Variants in UNC13C observed in about 807,000 individuals in gnomAD.
UNC13C encodes unc-13 homolog C.
A neutral mutation model predicts 245.4 loss-of-function variants in UNC13C; 174 were observed. The observed-to-expected ratio is 0.71, with a 90% CI of 0.63 to 0.80. The LOEUF (loss-of-function observed/expected upper bound fraction) is 0.80, where lower values mean the gene tolerates loss of function less well. Among genes scored for constraint, UNC13C ranks in the 30% least tolerant of loss-of-function variants. The pLI, the probability that UNC13C is intolerant of heterozygous loss-of-function variation, is 0.00. For missense variants in UNC13C, 2,829 were observed against 2,602.9 expected (o/e 1.09, Z -1.89); for synonymous variants, 992 against 895.1 (o/e 1.11, Z -1.93).
chr15:54,153,902 A>G (rs1200713298), intron 4 of UNC13C, among the ~76,000 whole-genome samples: 1 of 151,964 alleles, frequency 6.6e-6, no homozygotes, highest in Non-Finnish European at 1.5e-5. Flanking sequence ...GCCTTTACAT[A>G]GATTTCTAAA....
At chr15:54,357,124 C>T in intron 17 of UNC13C, among the ~76,000 whole-genome samples, 1 of 151,972 alleles carries the variant, frequency 6.6e-6, no homozygotes, top group East Asian at 1.9e-4. Context: ...ACAGTCCCCA[C>T]TTTGAGATTA....
intron 10 of UNC13C, among the ~76,000 whole-genome samples, chr15:54,286,222 A>T (rs998490924): frequency 1.3e-5 from 2 of 152,236 alleles, no homozygotes; most frequent in Non-Finnish European, 1.5e-5. Context: ...AAAAGCTGGT[A>T]CAATACTATT....
At chr15:53,952,025 C>T in the UNC13C span, among the ~76,000 whole-genome samples, 4 of 152,036 alleles carry the variant, frequency 2.6e-5, no homozygotes, top group Non-Finnish European at 5.9e-5. Context: ...TCCTATACTG[C>T]GTTGGTTTAT....
At chr15:53,946,157 A>C in the UNC13C span, among the ~76,000 whole-genome samples, 1 of 152,140 alleles carries the variant, frequency 6.6e-6, no homozygotes, top group Admixed American at 6.6e-5. Flanking sequence ...GGGGTTTTCT[A>C]GTTATAGAAT....
At chr15:53,921,216 A>G in the UNC13C span, among the ~76,000 whole-genome samples, 1 of 152,118 alleles carries the variant, frequency 6.6e-6, no homozygotes, top group African/African-American at 2.4e-5. Flanking sequence ...TGTATGGGAG[A>G]ATTGAATCAA....
At chr15:54,133,637 G>A (rs907713002) in intron 2 of UNC13C, among the ~76,000 whole-genome samples, 2 of 152,070 alleles carry the variant, frequency 1.3e-5, no homozygotes, top group African/African-American at 4.8e-5. Flanking sequence ...ATTGGGAGCA[G>A]CATTATAGGG....
At chr15:54,168,621 G>A (rs1052020014) in intron 4 of UNC13C, among the ~76,000 whole-genome samples, 2 of 152,108 alleles carry the variant, frequency 1.3e-5, no homozygotes, top group Non-Finnish European at 2.9e-5. Context: ...GCTCAGATAT[G>A]TCTTGCTTCC....
intron 22 of UNC13C, among the ~76,000 whole-genome samples, chr15:54,501,305 T>G (rs1366127534): frequency 6.6e-6 from 1 of 152,172 alleles, no homozygotes; most frequent in African/African-American, 2.4e-5. Flanking sequence ...AATTTCACAT[T>G]CAAATTGCCA....
chr15:54,101,926 A>G (rs962613742), intron 2 of UNC13C, among the ~76,000 whole-genome samples: 1 of 151,702 alleles, frequency 6.6e-6, no homozygotes, highest in Non-Finnish European at 1.5e-5. Context: ...AGAGCCAAAG[A>G]ACAGATTTCA....
chr15:54,620,987 A>G (rs971529530), intron 30 of UNC13C, among the ~76,000 whole-genome samples: 16 of 152,074 alleles, frequency 1.1e-4, no homozygotes, highest in Non-Finnish European at 1.6e-4. Flanking sequence ...CTATTTCGTT[A>G]GTGTGAAGGG....
At chr15:54,100,213 C>CTT (rs1900094063) in intron 2 of UNC13C, among the ~76,000 whole-genome samples, 1 of 151,542 alleles carries the variant, frequency 6.6e-6, no homozygotes, top group African/African-American at 2.4e-5. Context: ...TTTGTTGTCT[C>CTT]TACTTCTTCA....
chr15:54,393,204 G>A, intron 18 of UNC13C, 23 bp downstream of exon 18: 2 of 1,500,422 alleles, frequency 1.3e-6, no homozygotes, highest in Non-Finnish European at 1.8e-6. Flanking sequence ...TTTTGGAAAT[G>A]AATGGATTTT....
At chr15:54,281,354 A>T (rs761628908) in intron 10 of UNC13C, among the ~76,000 whole-genome samples, 4 of 152,242 alleles carry the variant, frequency 2.6e-5, no homozygotes, top group Non-Finnish European at 4.4e-5. Flanking sequence ...AAGATTTATT[A>T]TCAAGACACA....
At chr15:54,184,801 T>C (rs2033919000) in intron 4 of UNC13C, among the ~76,000 whole-genome samples, 1 of 152,170 alleles carries the variant, frequency 6.6e-6, no homozygotes, top group Non-Finnish European at 1.5e-5. Flanking sequence ...GATGGCTGGG[T>C]CAAATGGTAT....
intron 19 of UNC13C, among the ~76,000 whole-genome samples, chr15:54,473,017 C>A (rs962802212): frequency 6.6e-6 from 1 of 151,636 alleles, no homozygotes. Context: ...CTCTCTCCCC[C>A]ACCCCCACAT....
chr15:54,351,372 C>G (rs150930312), intron 17 of UNC13C, among the ~76,000 whole-genome samples: 24 of 152,072 alleles, frequency 1.6e-4, no homozygotes, highest in African/African-American at 5.5e-4. Flanking sequence ...TTTAGTTTTT[C>G]TTTTTAGTAA....
intron 2 of UNC13C, among the ~76,000 whole-genome samples, chr15:54,024,656 C>T (rs1209037237): frequency 6.6e-6 from 1 of 152,116 alleles, no homozygotes; most frequent in African/African-American, 2.4e-5. Context: ...CGGTGGCTCA[C>T]GTCTGTAATC....
At chr15:54,622,547 C>T in intron 31 of UNC13C, 128 bp downstream of exon 31, 1 of 637,258 alleles carries the variant, frequency 1.6e-6, no homozygotes, top group South Asian at 2.4e-5. Context: ...ACAAAATTTC[C>T]TAATGAAACC....
intron 2 of UNC13C, among the ~76,000 whole-genome samples, chr15:54,043,639 T>C (rs562471086): frequency 5.9e-5 from 9 of 152,342 alleles, no homozygotes; most frequent in Non-Finnish European, 1.2e-4. Flanking sequence ...AGGTTTCTAC[T>C]CTTGCCACAA....
Sources: allele counts gnomAD v4.1 joint callset (sites outside exome capture counted in the v4.1 genomes callset), GRCh38; gene constraint gnomAD v4.1.1; transcripts MANE v1.5; gene names NCBI Gene and HGNC (gene_info 2026-07-23, HGNC 2026-07-21).